Variants in SHANK2 observed in about 807,000 individuals in gnomAD.
SHANK2 encodes the protein SH3 and multiple ankyrin repeat domains 2.
In SHANK2, 43 loss-of-function variants were observed where a neutral mutation model predicts 133.7. That is an observed-to-expected ratio of 0.32 (90% confidence interval 0.25 to 0.41). SHANK2 has a LOEUF of 0.41. Ranked by LOEUF, SHANK2 falls within the 10% of genes least tolerant of loss-of-function variation. SHANK2 has a pLI of 1.00. For missense variants in SHANK2, 1,994 were observed against 2,235.8 expected (o/e 0.89, Z 2.18); for synonymous variants, 1,017 against 952.8 (o/e 1.07, Z -1.24).
intron 10 of SHANK2, among the ~76,000 whole-genome samples, chr11:70,898,311 C>CACACACAT (rs1489858585): frequency 3.4e-5 from 5 of 145,076 alleles, no homozygotes; most frequent in South Asian, 2.2e-4. Context: ...CACACACACA[C>CACACACAT]ATATATATAT....
chr11:70,792,196 C>G (rs1555048167), intron 14 of SHANK2, among the ~76,000 whole-genome samples: 1 of 151,056 alleles, frequency 6.6e-6, no homozygotes, highest in Non-Finnish European at 1.5e-5. Context: ...GACAGCTAAT[C>G]AACCAACCAA....
chr11:71,187,487 T>G (rs1555114654), intron 2 of SHANK2, among the ~76,000 whole-genome samples: 1 of 152,222 alleles, frequency 6.6e-6, no homozygotes, highest in Admixed American at 6.5e-5. Flanking sequence ...TCATGTTTTA[T>G]TCAGGACAGT....
chr11:70,936,195 C>A (rs189307621), intron 10 of SHANK2, among the ~76,000 whole-genome samples: 2 of 152,180 alleles, frequency 1.3e-5, no homozygotes, highest in African/African-American at 2.4e-5. Flanking sequence ...AAAACCAATG[C>A]GAGAGTTTTC....
At chr11:70,854,980 C>T (rs1298485248) in intron 11 of SHANK2, among the ~76,000 whole-genome samples, 13 of 152,232 alleles carry the variant, frequency 8.5e-5, no homozygotes, top group Non-Finnish European at 2.9e-5. Flanking sequence ...CAGAAACCCA[C>T]CCCCAGATGT....
intron 12 of SHANK2, among the ~76,000 whole-genome samples, chr11:70,818,166 A>C (rs1555054864): frequency 6.6e-6 from 1 of 152,220 alleles, no homozygotes; most frequent in African/African-American, 2.4e-5. Context: ...CAGGCTGGCC[A>C]CCATGATGAC....
At position 70,881,574 on chromosome 11, in the gene SHANK2, T is replaced by TAATAATAA. The variant is rs1565380943; in HGVS notation, c.1174+14926_1174+14927insTTATTATT. ...AATAATAATAATATTAATAATAATA[T>TAATAATAA]TAATAATAATAATAATAATAATAAT... On this transcript the variant is annotated intron_variant, in intron 11 of 25. Coordinates refer to ENST00000601538, the MANE Select transcript of SHANK2 (RefSeq NM_012309.5). Among the ~76,000 whole-genome samples, 119 of 39,362 alleles carry TAATAATAA rather than the reference T, an allele frequency of 3.0e-3. 1 individual carries two copies. Among genetic ancestry groups the TAATAATAA allele is most frequent in the Admixed American group, 4.9e-3 (11 of 2,226 alleles). 25.8% of individuals were successfully genotyped at this position (39,362 alleles called of 152,430 possible). A position where few individuals can be genotyped will look rare whatever the true frequency, so the allele number is the denominator to read the frequency against.
intron 14 of SHANK2, among the ~76,000 whole-genome samples, chr11:70,774,988 C>G (rs1947330864): frequency 6.6e-6 from 1 of 151,994 alleles, no homozygotes; most frequent in African/African-American, 2.4e-5. Flanking sequence ...GTGAGACTGT[C>G]TCTAAAAAAT....
intron 17 of SHANK2, among the ~76,000 whole-genome samples, chr11:70,565,215 T>TCACCCATC (rs1554981642): frequency 6.7e-6 from 1 of 149,008 alleles, no homozygotes; most frequent in Non-Finnish European, 1.5e-5. Flanking sequence ...GGAAGCAGTT[T>TCACCCATC]CATCCATCCA....
chr11:70,649,837 G>T (rs1039691252), intron 17 of SHANK2, among the ~76,000 whole-genome samples: 2 of 152,218 alleles, frequency 1.3e-5, no homozygotes, highest in Non-Finnish European at 2.9e-5. Flanking sequence ...AATGATCTGG[G>T]ACTTACCTGG....
At chr11:70,883,666 G>A (rs1046825693) in intron 11 of SHANK2, among the ~76,000 whole-genome samples, 10 of 152,156 alleles carry the variant, frequency 6.6e-5, no homozygotes, top group Admixed American at 2.0e-4. Flanking sequence ...TAGGGGGCCC[G>A]GGAAAGCCCC....
At chr11:71,168,429 C>T (rs1171516930) in intron 2 of SHANK2, among the ~76,000 whole-genome samples, 6 of 151,784 alleles carry the variant, frequency 4.0e-5, no homozygotes, top group South Asian at 2.1e-4. Context: ...GGGTGGCGGC[C>T]GGGCAGAGGC....
intron 17 of SHANK2, among the ~76,000 whole-genome samples, chr11:70,610,471 G>A (rs1296957627): frequency 2.0e-5 from 3 of 152,148 alleles, no homozygotes; most frequent in Non-Finnish European, 1.5e-5. Flanking sequence ...CTGTGCCCCC[G>A]GCCAGTCCCA....
At chr11:71,128,353 GAC>G (rs1437486997) in intron 3 of SHANK2, among the ~76,000 whole-genome samples, 2 of 152,192 alleles carry the variant, frequency 1.3e-5, no homozygotes, top group African/African-American at 4.8e-5. Context: ...AGGGGCTCAA[GAC>G]ACAGAAAACC....
chr11:71,065,905 GAGATGAGC>G (rs1951049584), intron 9 of SHANK2, among the ~76,000 whole-genome samples: 1 of 123,294 alleles, frequency 8.1e-6, no homozygotes, highest in East Asian at 2.9e-4. Context: ...CTCTCCCAGG[GAGATGAGC>G]GGTGAGTGGG....
At chr11:70,774,563 G>A (rs782733066) in intron 14 of SHANK2, among the ~76,000 whole-genome samples, 22 of 152,086 alleles carry the variant, frequency 1.4e-4, no homozygotes, top group Non-Finnish European at 2.4e-4. Flanking sequence ...CAGGTGATCC[G>A]CCCGCCTTGG....
At chr11:70,906,560 C>T (rs185452696) in intron 10 of SHANK2, among the ~76,000 whole-genome samples, 34 of 152,290 alleles carry the variant, frequency 2.2e-4, no homozygotes, top group Admixed American at 6.5e-4. Context: ...TATTTAGAGG[C>T]GGCTCTGTGA....
At chr11:70,860,073 C>T (rs541966153) in intron 11 of SHANK2, among the ~76,000 whole-genome samples, 1 of 152,346 alleles carries the variant, frequency 6.6e-6, no homozygotes, top group South Asian at 2.1e-4. Flanking sequence ...CCACCTCCAA[C>T]CTCCCCCAAC....
At chr11:70,620,508 T>TGCCCC (rs1383486656) in intron 17 of SHANK2, among the ~76,000 whole-genome samples, 1 of 152,152 alleles carries the variant, frequency 6.6e-6, no homozygotes, top group Non-Finnish European at 1.5e-5. Context: ...GGAGGCTGCC[T>TGCCCC]GCCCCGCCTG....
chr11:71,249,851 A>T (rs1207023670), intron 1 of SHANK2, among the ~76,000 whole-genome samples: 4 of 152,034 alleles, frequency 2.6e-5, no homozygotes, highest in African/African-American at 9.7e-5. Context: ...CCTCGTCACT[A>T]ATGAAATATA....
Sources: allele counts gnomAD v4.1 joint callset (sites outside exome capture counted in the v4.1 genomes callset), GRCh38; gene constraint gnomAD v4.1.1; transcripts MANE v1.5; gene names NCBI Gene and HGNC (gene_info 2026-07-23, HGNC 2026-07-21).